Variants in TMEM272 observed in about 807,000 individuals in gnomAD.
TMEM272 encodes the protein transmembrane protein 272, also known as long intergenic non-protein coding RNA 282.
TMEM272 carries 8 observed loss-of-function variants against 3.7 expected under a neutral mutation model. The ratio of observed to expected loss-of-function variants is 2.17; its 90% confidence interval spans 1.27 to 3.91. The LOEUF is 3.91. Among genes scored for constraint, TMEM272 ranks in the 30% most tolerant of loss-of-function variants. The pLI is 0.00. For missense variants in TMEM272, 166 were observed against 91.5 expected, an observed-to-expected ratio of 1.81 and a Z score of -3.32; for synonymous variants, 63 against 39.8, an observed-to-expected ratio of 1.58 and a Z score of -2.20.
At chr13:51,878,775 T>G in the TMEM272 span, among the ~76,000 whole-genome samples, 1 of 152,358 alleles carries the variant, frequency 6.6e-6, no homozygotes, top group Admixed American at 6.5e-5. Flanking sequence ...GACTCTTCCC[T>G]TCACTATATG....
the TMEM272 span, among the ~76,000 whole-genome samples, chr13:51,859,156 C>A: frequency 2.7e-5 from 4 of 150,422 alleles, no homozygotes; most frequent in Non-Finnish European, 1.5e-5. Flanking sequence ...GTGCAAATAA[C>A]CCTATCCTCA....
the TMEM272 span, among the ~76,000 whole-genome samples, chr13:51,900,672 G>A: frequency 9.5e-4 from 145 of 152,122 alleles, no homozygotes; most frequent in African/African-American, 3.4e-3. Context: ...GTTCATGTCA[G>A]CATTATTCAT....
chr13:51,826,765 C>T (rs1956129136), intron 2 of TMEM272, 140 bp from the exon 3 acceptor site: 1 of 643,830 alleles, frequency 1.6e-6, no homozygotes, highest in South Asian at 1.7e-5. Flanking sequence ...GAGAAGGTCG[C>T]AGCTCGCCTG....
chr13:51,908,950 C>T, the TMEM272 span: 1 of 1,377,164 alleles, frequency 7.3e-7, no homozygotes, highest in South Asian at 1.2e-5. Context: ...TTCCCTGGGC[C>T]TCTTGGGTCT....
At chr13:51,917,574 G>A in the TMEM272 span, among the ~76,000 whole-genome samples, 2 of 152,166 alleles carry the variant, frequency 1.3e-5, no homozygotes, top group Non-Finnish European at 2.9e-5. Context: ...ACACGCTACT[G>A]AGGACAGGTG....
chr13:51,902,737 C>T, the TMEM272 span, among the ~76,000 whole-genome samples: 2 of 152,260 alleles, frequency 1.3e-5, no homozygotes, highest in African/African-American at 4.8e-5. Context: ...GGGAACCATT[C>T]TGCTAAGCTG....
intron 2 of TMEM272, 49 bp downstream of exon 2, chr13:51,838,424 G>A (rs1441673193): frequency 1.3e-5 from 9 of 702,890 alleles, no homozygotes; most frequent in Non-Finnish European, 2.3e-5. Flanking sequence ...GGTGATCCCA[G>A]AGGTCTCAAT....
At chr13:51,862,207 C>G in the TMEM272 span, 3 of 152,178 alleles carry the variant, frequency 2.0e-5, no homozygotes, top group African/African-American at 4.8e-5. Flanking sequence ...ACAGGACTTA[C>G]CCCAGTGGGA....
At chr13:51,894,947 G>A in the TMEM272 span, among the ~76,000 whole-genome samples, 2 of 151,900 alleles carry the variant, frequency 1.3e-5, no homozygotes, top group Non-Finnish European at 2.9e-5. Flanking sequence ...ATCATCAGGT[G>A]TTAGATTCTC....
the TMEM272 span, among the ~76,000 whole-genome samples, chr13:51,913,790 G>C: frequency 2.9e-4 from 44 of 152,206 alleles, no homozygotes; most frequent in African/African-American, 9.6e-4. Flanking sequence ...ATGCCTCTGG[G>C]AAAGAAATAC....
At chr13:51,917,319 G>A in the TMEM272 span, among the ~76,000 whole-genome samples, 1 of 152,198 alleles carries the variant, frequency 6.6e-6, no homozygotes, top group African/African-American at 2.4e-5. Context: ...GTAAAAGACT[G>A]GGGGTAGCTG....
chr13:51,822,608 T>C (rs1593591193), intron 3 of TMEM272, among the ~76,000 whole-genome samples: 1 of 152,060 alleles, frequency 6.6e-6, no homozygotes, highest in East Asian at 1.9e-4. Context: ...AGGGGCCAGG[T>C]GGCAGGGAGG....
chr13:51,888,329 A>G, the TMEM272 span, among the ~76,000 whole-genome samples: 2 of 152,192 alleles, frequency 1.3e-5, no homozygotes, highest in Non-Finnish European at 2.9e-5. Flanking sequence ...TACAGGCGTG[A>G]ACCACTGCGC....
At chr13:51,924,948 C>A in the TMEM272 span, among the ~76,000 whole-genome samples, 1 of 152,166 alleles carries the variant, frequency 6.6e-6, no homozygotes, top group Admixed American at 6.5e-5. Flanking sequence ...TTGGGAAATG[C>A]GGATTTTACG....
the TMEM272 span, chr13:51,908,895 C>T: frequency 1.4e-6 from 2 of 1,412,676 alleles, no homozygotes; most frequent in Admixed American, 1.7e-5. Context: ...AAACCTATCA[C>T]AGCTTGATTC....
rs964446301 is a variant in TMEM272, at chr13:51,815,416, T to C, written c.*1335A>G. On this transcript the variant is annotated 3_prime_UTR_variant, in exon 5 of 5. Coordinates refer to ENST00000629372, the MANE Select transcript of TMEM272 (RefSeq NM_001351003.2). The stretch of plus-strand genomic sequence containing the variant: ...CCATGGGACTCACGGGGCCTTTCTC[T>C]TAAAGCTACGGAGAAGAATGAGCCT... The C allele has an allele frequency of 1.3e-5, 2 of 152,604 alleles. No homozygotes were observed. The highest frequency in any genetic ancestry group is 2.4e-5 in the African/African-American group (1 of 41,452). The allele number at this position is 152,604 out of a possible 1,614,324, so 9.5% of individuals were successfully genotyped here. A position where few individuals can be genotyped will look rare whatever the true frequency, so the allele number is the denominator to read the frequency against.
upstream of TMEM272, among the ~76,000 whole-genome samples, chr13:51,847,972 G>A (rs1956314360): frequency 6.6e-6 from 1 of 152,210 alleles, no homozygotes; most frequent in Non-Finnish European, 1.5e-5. Context: ...TATGAGTACA[G>A]AAATAGGAGA....
At chr13:51,826,769 T>C in intron 2 of TMEM272, 144 bp from the exon 3 acceptor site, 1 of 641,034 alleles carries the variant, frequency 1.6e-6, no homozygotes, top group East Asian at 2.7e-5. Flanking sequence ...AGGTCGCAGC[T>C]CGCCTGGGGC....
At chr13:51,892,135 T>C in the TMEM272 span, among the ~76,000 whole-genome samples, 1 of 152,042 alleles carries the variant, frequency 6.6e-6, no homozygotes, top group Non-Finnish European at 1.5e-5. Flanking sequence ...CTCATCTGAG[T>C]CTCCTGTGGC....
Sources: allele counts gnomAD v4.1 joint callset (sites outside exome capture counted in the v4.1 genomes callset), GRCh38; gene constraint gnomAD v4.1.1; transcripts MANE v1.5; gene names NCBI Gene and HGNC (gene_info 2026-07-23, HGNC 2026-07-21).